The following DIAPH3 variants were observed in gnomAD, a reference collection of about 807,000 sequenced individuals.
DIAPH3 encodes the protein protein diaphanous homolog 3.
Under a neutral mutation model 144.3 loss-of-function variants are expected in DIAPH3, and 117 were observed. The observed-to-expected ratio is 0.81, with a 90% confidence interval of 0.70 to 0.95. The LOEUF is 0.95. Ranked by LOEUF, DIAPH3 falls within the 40% of genes least tolerant of loss-of-function variation. The pLI is 0.00. For synonymous variants in DIAPH3, 519 were observed against 488.9 expected (o/e 1.06, Z -0.81); for missense variants, 1,421 against 1,412.7 (o/e 1.01, Z -0.09).
chr13:60,023,105 C>T (rs893254464), intron 5 of DIAPH3, among the ~76,000 whole-genome samples: 1 of 152,166 alleles, frequency 6.6e-6, no homozygotes, highest in Non-Finnish European at 1.5e-5. Flanking sequence ...CTGGAACAGA[C>T]TATGGAAAAT....
intron 9 of DIAPH3, among the ~76,000 whole-genome samples, chr13:59,993,622 C>T (rs1212969342): frequency 1.4e-5 from 2 of 143,426 alleles, no homozygotes; most frequent in Non-Finnish European, 3.0e-5. Flanking sequence ...GACCAGCATG[C>T]CTCTACTGTC....
intron 25 of DIAPH3, among the ~76,000 whole-genome samples, chr13:59,802,706 G>C (rs1357129864): frequency 1.3e-5 from 1 of 78,110 alleles, no homozygotes; most frequent in Non-Finnish European, 2.2e-5. Flanking sequence ...ACAGAGTCTC[G>C]CTCTGTCGCC....
intron 1 of DIAPH3, among the ~76,000 whole-genome samples, chr13:60,152,118 C>A (rs1951816680): frequency 6.6e-6 from 1 of 152,132 alleles, no homozygotes; most frequent in Non-Finnish European, 1.5e-5. Context: ...ACGGGATAAA[C>A]TCTCTGTATC....
chr13:60,079,434 G>T (rs1445365465), intron 4 of DIAPH3, among the ~76,000 whole-genome samples: 1 of 151,880 alleles, frequency 6.6e-6, no homozygotes, highest in East Asian at 1.9e-4. Flanking sequence ...TTAAAAGAAA[G>T]AATATTATTA....
chr13:59,817,926 T>G (rs974557475), intron 24 of DIAPH3, among the ~76,000 whole-genome samples: 8 of 152,086 alleles, frequency 5.3e-5, no homozygotes, highest in African/African-American at 1.7e-4. Context: ...ATTTATAAAT[T>G]TATGTAACAT....
intron 21 of DIAPH3, among the ~76,000 whole-genome samples, chr13:59,874,860 A>T (rs552082707): frequency 6.6e-6 from 1 of 152,340 alleles, no homozygotes; most frequent in East Asian, 1.9e-4. Flanking sequence ...TGTTGTATTG[A>T]TCAGAATGAT....
At chr13:59,942,895 A>G (rs1022266098) in intron 17 of DIAPH3, among the ~76,000 whole-genome samples, 4 of 152,214 alleles carry the variant, frequency 2.6e-5, no homozygotes, top group Non-Finnish European at 4.4e-5. Context: ...TTCATAGCAT[A>G]TCACCTGGTA....
At chr13:59,859,258 C>A (rs952834370) in intron 22 of DIAPH3, among the ~76,000 whole-genome samples, 5 of 152,076 alleles carry the variant, frequency 3.3e-5, no homozygotes, top group Non-Finnish European at 7.4e-5. Flanking sequence ...ACGGTGTCTG[C>A]TGACCCATAC....
At chr13:60,120,105 T>C (rs549648898) in intron 2 of DIAPH3, among the ~76,000 whole-genome samples, 22 of 151,622 alleles carry the variant, frequency 1.5e-4, no homozygotes, top group African/African-American at 4.3e-4. Context: ...AATTCTAGAG[T>C]GGGGAAAAGT....
intron 17 of DIAPH3, among the ~76,000 whole-genome samples, chr13:59,948,175 A>G (rs573910770): frequency 6.6e-6 from 1 of 152,284 alleles, no homozygotes; most frequent in East Asian, 1.9e-4. Context: ...GATTCCAACC[A>G]GGTAGTCTGA....
chr13:59,914,008 C>A (rs1401765102), intron 19 of DIAPH3, among the ~76,000 whole-genome samples: 1 of 151,504 alleles, frequency 6.6e-6, no homozygotes, highest in Non-Finnish European at 1.5e-5. Context: ...TAATACAATG[C>A]CCTGGACATG....
intron 2 of DIAPH3, among the ~76,000 whole-genome samples, chr13:60,129,821 T>G (rs1333166811): frequency 6.6e-6 from 1 of 152,172 alleles, no homozygotes; most frequent in Non-Finnish European, 1.5e-5. Context: ...CAGAAATAGT[T>G]TAAAGAGCCC....
intron 2 of DIAPH3, among the ~76,000 whole-genome samples, chr13:60,124,798 C>G (rs2138173182): frequency 6.6e-6 from 1 of 151,796 alleles, no homozygotes; most frequent in East Asian, 1.9e-4. Context: ...GCTGTGTTTG[C>G]ACCACTGCCC....
At chr13:60,011,131 A>G (rs1035417688) in intron 7 of DIAPH3, among the ~76,000 whole-genome samples, 4 of 152,166 alleles carry the variant, frequency 2.6e-5, no homozygotes, top group African/African-American at 9.6e-5. Context: ...TAAAAAGTTC[A>G]TAAGGGTATT....
chr13:59,833,188 T>C lies in DIAPH3; in HGVS notation c.2946A>G (p.Ile982Met), dbSNP rs2139723471. ...TCTTCACATCAATGGCATAGTATCC[T>C]ATTATACTCTGGTATAACTTTTCCA... is the stretch of plus-strand genomic sequence containing the variant. The part of the protein sequence containing the change: ...ENMEKLYQSI[I>M]GYYAIDVKKV... The change falls in exon 24 of 28, where the codon ATA becomes ATG. Residue 982 changes from isoleucine (I) to methionine (M), a missense_variant. Ile to Met is a conservative substitution (Grantham distance 10). Coordinates refer to ENST00000400324, the MANE Select transcript of DIAPH3 (RefSeq NM_001042517.2). 6.2e-7 allele frequency: 1 copy of C among 1,610,650 alleles called. No homozygotes were observed.
intron 27 of DIAPH3, among the ~76,000 whole-genome samples, chr13:59,726,074 C>T (rs1002641414): frequency 7.9e-5 from 12 of 152,132 alleles, no homozygotes; most frequent in Non-Finnish European, 1.6e-4. Context: ...AAAGCCTATT[C>T]CATTCTATGA....
At chr13:59,723,142 G>T (rs2035426277) in intron 27 of DIAPH3, among the ~76,000 whole-genome samples, 1 of 152,156 alleles carries the variant, frequency 6.6e-6, no homozygotes, top group Non-Finnish European at 1.5e-5. Flanking sequence ...ATGTGTTCTT[G>T]GTGACACTGA....
chr13:59,689,528 G>A (rs2033396143), intron 27 of DIAPH3, among the ~76,000 whole-genome samples: 1 of 152,010 alleles, frequency 6.6e-6, no homozygotes, highest in Non-Finnish European at 1.5e-5. Context: ...CAGAATCAAG[G>A]AGAAATTTTT....
At chr13:59,782,250 A>G (rs2038777391) in intron 25 of DIAPH3, among the ~76,000 whole-genome samples, 1 of 152,210 alleles carries the variant, frequency 6.6e-6, no homozygotes, top group Non-Finnish European at 1.5e-5. Flanking sequence ...TGATATAATT[A>G]TAATGAAAGA....
Sources: allele counts gnomAD v4.1 joint callset (sites outside exome capture counted in the v4.1 genomes callset), GRCh38; gene constraint gnomAD v4.1.1; transcripts MANE v1.5; gene names NCBI Gene and HGNC (gene_info 2026-07-23, HGNC 2026-07-21).